Variants in ATG16L1 observed in about 807,000 individuals in gnomAD.
The protein encoded by ATG16L1 is autophagy-related protein 16-1.
In ATG16L1, 37 loss-of-function variants were observed where a neutral mutation model predicts 88.5. That is an observed-to-expected ratio of 0.42 (90% CI 0.32 to 0.55). The LOEUF (loss-of-function observed/expected upper bound fraction) is 0.55, where lower values mean the gene tolerates loss of function less well. Among genes scored for constraint, ATG16L1 ranks in the 20% least tolerant of loss-of-function variants. ATG16L1 has a pLI of 0.13. For missense variants in ATG16L1, 554 were observed against 752.8 expected (o/e 0.74, Z 3.09); for synonymous variants, 301 against 281.0 (o/e 1.07, Z -0.71).
chr2:233,257,218 A>G (rs1215221181), intron 2 of ATG16L1, among the ~76,000 whole-genome samples: 1 of 151,948 alleles, frequency 6.6e-6, no homozygotes, highest in Non-Finnish European at 1.5e-5. Flanking sequence ...TCTGGTAGAG[A>G]CGGGGTTTCA....
intron 14 of ATG16L1, 85 bp downstream of exon 14, chr2:233,290,438 A>G: frequency 1.8e-6 from 2 of 1,081,316 alleles, no homozygotes; most frequent in East Asian, 2.4e-5. Flanking sequence ...TTAAGATCTC[A>G]GGACATGGCA....
At chr2:233,285,850 A>G (rs544213136) in intron 12 of ATG16L1, among the ~76,000 whole-genome samples, 2 of 152,268 alleles carry the variant, frequency 1.3e-5, no homozygotes, top group South Asian at 4.1e-4. Context: ...CGACAAGGGA[A>G]TGGTGTTGGG....
intron 12 of ATG16L1, among the ~76,000 whole-genome samples, chr2:233,286,811 G>C (rs1699119762): frequency 1.3e-5 from 2 of 151,482 alleles, no homozygotes; most frequent in Admixed American, 6.6e-5. Context: ...ATTTTTAGTA[G>C]AGACGAGATT....
chr2:233,277,588 C>G lies in ATG16L1; in HGVS notation c.975C>G (p.Val325=), dbSNP rs138443943. The G allele has an allele frequency of 6.8e-6, 11 of 1,614,014 alleles. No homozygotes were observed. In the African/African-American group the frequency reaches 1.5e-4, roughly 22 times the overall value. The part of the protein sequence containing the change: ...LCVFDAHDGE[V]NAVQFSPGSR... ...TGCAGGATGCACATGATGGGGAAGT[C>G]AACGCTGTGCAGTTCAGTCCAGGTT... The change falls in exon 10 of 18, where the codon GTC becomes GTG. Residue 325 remains valine, a synonymous_variant. Transcript: ENST00000392017.
intron 12 of ATG16L1, among the ~76,000 whole-genome samples, chr2:233,289,376 G>GGTGTGTGTGTGTGTGTGTGTGT (rs757994844): frequency 3.4e-4 from 19 of 55,312 alleles, no homozygotes; most frequent in East Asian, 3.0e-3. Flanking sequence ...TCCTGTTTGG[G>GGTGTGTGTGTGTGTGTGTGTGT]ATGTGTGTGT....
chr2:233,280,122 T>G (rs1453173681), intron 10 of ATG16L1, among the ~76,000 whole-genome samples: 1 of 152,236 alleles, frequency 6.6e-6, no homozygotes, highest in Non-Finnish European at 1.5e-5. Context: ...GTCTGTGGCC[T>G]GAATGTACAT....
Position 233,270,011 on chromosome 2 carries a change from A to G in ATG16L1, c.651A>G (p.Gln217=), listed in dbSNP as rs772258119. 1.9e-6 allele frequency: 3 copies of G among 1,578,216 alleles called. No individual in the cohort carries two copies. The African/African-American group carries it at 4.2e-5, about 22-fold the overall frequency. ...TTTTTTTTCCCAACAGGAGGCGGCAAGCCCGGCTGCAGAAAGAGCTTGCAG... is the reference window on the plus strand; with the variant it reads ...TTTTTTTTCCCAACAGGAGGCGGCAGGCCCGGCTGCAGAAAGAGCTTGCAG... ...AENEKDSRRR[Q]ARLQKELAEA... The change falls in exon 6 of 18, where the codon CAA becomes CAG. Residue 217 remains glutamine, a synonymous_variant. Coordinates refer to ENST00000392017, the MANE Select transcript of ATG16L1 (RefSeq NM_030803.7).
chr2:233,275,774 C>G, intron 9 of ATG16L1: 1 of 519,272 alleles, frequency 1.9e-6, no homozygotes, highest in South Asian at 1.4e-5. Context: ...ATGTCACGGT[C>G]CCTTTGTTGC....
At chr2:233,272,871 T>A in intron 6 of ATG16L1, 95 bp from the exon 7 acceptor site, 1 of 1,100,996 alleles carries the variant, frequency 9.1e-7, no homozygotes, top group Non-Finnish European at 1.4e-6. Flanking sequence ...CCAAGTGGTT[T>A]AGGATCTAAC....
rs754174045 is a variant in ATG16L1 at position 233,292,429 on chromosome 2, C to T, written c.1623C>T (p.Val541=). 9 of 1,612,482 alleles carry T rather than the reference C, an allele frequency of 5.6e-6. No individual in the cohort carries two copies. Among genetic ancestry groups the T allele is most frequent in the Non-Finnish European group, 7.6e-6 (9 of 1,179,970 alleles). ...FKCGSDWTRV[V]FSPDGSYVAA... ...GCGGCTCTGACTGGACCAGAGTTGTCTTCAGGTTAGTAGTGACCCACCCCC... is the reference window on the plus strand; with the variant it reads ...GCGGCTCTGACTGGACCAGAGTTGTTTTCAGGTTAGTAGTGACCCACCCCC... Residue 541 remains valine, a synonymous_variant, in exon 16 of 18, where the codon GTC becomes GTT. Coordinates refer to ENST00000392017, the MANE Select transcript of ATG16L1 (RefSeq NM_030803.7).
Position 233,289,983 on chromosome 2 carries a change from A to G in ATG16L1, c.1324+9A>G. ...TCTACGCAGCAAAGTCTGTGAGGAA[A>G]TTCAGTCTCTCTGTCTGTGTATATG... is the stretch of plus-strand genomic sequence containing the variant. On this transcript the variant is annotated intron_variant, in intron 13 of 17. Coordinates refer to ENST00000392017, the MANE Select transcript of ATG16L1 (RefSeq NM_030803.7). The G allele has an allele frequency of 6.2e-7, 1 of 1,613,388 alleles. No homozygotes were observed. Among genetic ancestry groups the G allele is most frequent in the Non-Finnish European group, 8.5e-7 (1 of 1,179,330 alleles).
intron 14 of ATG16L1, 101 bp from the exon 15 acceptor site, chr2:233,292,027 T>C (rs1240624411): frequency 3.6e-6 from 5 of 1,394,734 alleles, no homozygotes; most frequent in Non-Finnish European, 3.9e-6. Context: ...TGGCAGAGCG[T>C]TGCATGCTAG....
intron 1 of ATG16L1, among the ~76,000 whole-genome samples, chr2:233,252,976 G>T (rs377669107): frequency 2.0e-5 from 3 of 152,088 alleles, no homozygotes; most frequent in Admixed American, 6.5e-5. Flanking sequence ...CTCAAACTTA[G>T]CTCCACATTA....
At chr2:233,293,773 C>T (rs1699628138) in intron 17 of ATG16L1, among the ~76,000 whole-genome samples, 1 of 152,170 alleles carries the variant, frequency 6.6e-6, no homozygotes, top group South Asian at 2.1e-4. Flanking sequence ...TTATCTTCCA[C>T]CTGATAGGCA....
rs1415363160 is a variant in ATG16L1 at position 233,265,157 on chromosome 2, C to G, written c.641+14C>G. On this transcript the variant is annotated intron_variant, in intron 5 of 17. Coordinates refer to ENST00000392017, the MANE Select transcript of ATG16L1 (RefSeq NM_030803.7). ...AAAAGACTCCAGGTGGGCTATCAAT[C>G]CACAGTTAGTGGTTTCCATCCTTAG... 6.2e-7 allele frequency: 1 copy of G among 1,613,360 alleles called. No individual in the cohort carries two copies. The highest frequency in any genetic ancestry group is 1.7e-5 in the Admixed American group (1 of 59,840).
intron 16 of ATG16L1, among the ~76,000 whole-genome samples, 188 bp from the exon 17 acceptor site, chr2:233,293,068 C>A (rs560790665): frequency 2.6e-5 from 4 of 152,234 alleles, no homozygotes; most frequent in African/African-American, 9.6e-5. Context: ...ATTAGCCGGA[C>A]GGGGCTGAAA....
chr2:233,275,587 G>A, intron 9 of ATG16L1: 1 of 415,326 alleles, frequency 2.4e-6, no homozygotes, highest in Non-Finnish European at 4.8e-6. Context: ...GTTACACAGT[G>A]GACTGGCTGA....
chr2:233,263,616 C>A (rs908487318), intron 3 of ATG16L1, among the ~76,000 whole-genome samples: 1 of 152,228 alleles, frequency 6.6e-6, no homozygotes. Context: ...AGAATCAAGT[C>A]CTAGGCTGTG....
At chr2:233,254,663 A>G (rs1441969262) in intron 1 of ATG16L1, among the ~76,000 whole-genome samples, 1 of 152,206 alleles carries the variant, frequency 6.6e-6, no homozygotes, top group African/African-American at 2.4e-5. Flanking sequence ...TAACATCTGA[A>G]GGTCTTACTA....
Sources: gnomAD v4.1 joint callset for allele counts (sites outside exome capture counted in the v4.1 genomes callset) on GRCh38, gnomAD v4.1.1 for gene constraint, MANE v1.5 for transcripts, NCBI Gene and HGNC (gene_info 2026-07-23, HGNC 2026-07-21) for gene names.